Variants in RGS8 observed in about 807,000 individuals in gnomAD.
RGS8 encodes regulator of G protein signaling 8, also known as regulator of G-protein signaling 8.
A neutral mutation model predicts 21.7 loss-of-function variants in RGS8; 8 were observed. The ratio of observed to expected loss-of-function variants is 0.37; its 90% CI spans 0.22 to 0.66. The LOEUF (loss-of-function observed/expected upper bound fraction) is 0.66, where lower values mean the gene tolerates loss of function less well. Among genes scored for constraint, RGS8 ranks in the 30% least tolerant of loss-of-function variants. The probability of loss-of-function intolerance (pLI) is 0.59; values close to 1 mark genes in which losing one functional copy is unlikely to be tolerated. For synonymous variants in RGS8, 80 were observed against 83.6 expected (o/e 0.96, Z 0.24); for missense variants, 157 against 217.9 (o/e 0.72, Z 1.76).
the RGS8 span, among the ~76,000 whole-genome samples, chr1:182,740,162 C>T: frequency 1.7e-4 from 26 of 152,302 alleles, no homozygotes; most frequent in Non-Finnish European, 3.1e-4. Flanking sequence ...TGTTGTGTTG[C>T]AGTCCAAGGA....
chr1:182,692,770 C>T, the RGS8 span, among the ~76,000 whole-genome samples: 1 of 146,276 alleles, frequency 6.8e-6, no homozygotes, highest in African/African-American at 2.5e-5. Flanking sequence ...GGTCCTGGTA[C>T]AAAAATAGAC....
At chr1:182,694,068 C>A in the RGS8 span, among the ~76,000 whole-genome samples, 1 of 151,898 alleles carries the variant, frequency 6.6e-6, no homozygotes, top group Non-Finnish European at 1.5e-5. Context: ...ACCAAACCCC[C>A]ACGACACACA....
chr1:182,734,985 CA>C, the RGS8 span, among the ~76,000 whole-genome samples: 175 of 152,134 alleles, frequency 1.2e-3, no homozygotes, highest in Middle Eastern at 6.8e-3. Flanking sequence ...ATTATTATTC[CA>C]ACATACAACC....
chr1:182,730,623 T>TC, the RGS8 span, among the ~76,000 whole-genome samples: 2 of 151,858 alleles, frequency 1.3e-5, no homozygotes, highest in Non-Finnish European at 2.9e-5. Flanking sequence ...GGCCGAAGAA[T>TC]TGCTTGATCC....
chr1:182,670,630 A>G (rs1362595981), intron 2 of RGS8, among the ~76,000 whole-genome samples: 3 of 152,242 alleles, frequency 2.0e-5, no homozygotes, highest in Non-Finnish European at 4.4e-5. Context: ...CCTAATTTAG[A>G]TAGATAAGAC....
At chr1:182,699,707 A>G in the RGS8 span, among the ~76,000 whole-genome samples, 1 of 152,208 alleles carries the variant, frequency 6.6e-6, no homozygotes, top group South Asian at 2.1e-4. Context: ...CAACGGGATT[A>G]CCGGGGAGGG....
chr1:182,704,059 T>C, the RGS8 span, among the ~76,000 whole-genome samples: 9 of 152,354 alleles, frequency 5.9e-5, no homozygotes, highest in African/African-American at 1.9e-4. Context: ...TCACTATAGC[T>C]TTAACTATAA....
chr1:182,734,490 A>C, the RGS8 span: 3 of 152,222 alleles, frequency 2.0e-5, no homozygotes, highest in Non-Finnish European at 4.4e-5. Flanking sequence ...AAAATAACCG[A>C]AAGAATCAAG....
rs760003150 is a variant in RGS8 at position 182,648,141 on chromosome 1, C to T, written c.356G>A (p.Arg119Gln). The T allele has an allele frequency of 1.0e-5, 16 of 1,606,530 alleles. No homozygotes were observed. The highest frequency in any genetic ancestry group is 2.7e-5 in the African/African-American group (2 of 74,744). The change falls in exon 6 of 7, where the codon CGG becomes CAG. Residue 119 changes from arginine to glutamine, a missense_variant. Physicochemically the swap from Arg to Gln is conservative, Grantham distance 43. Around this residue, in one of 3 missense-constraint regions of RGS8, gnomAD observed 125 missense variants for 179.4 expected, o/e 0.70. Transcript: ENST00000483095. ...TGGTCGCCGCTGCCAACACACCTCC[C>T]GTGGAGCCTGCACATCCACAAACTC... is the stretch of plus-strand genomic sequence containing the variant.
the RGS8 span, among the ~76,000 whole-genome samples, chr1:182,741,450 G>A: frequency 7.1e-6 from 1 of 140,976 alleles, no homozygotes; most frequent in Admixed American, 6.9e-5. Context: ...GGCTGGCCGG[G>A]CAGAGGCGCC....
chr1:182,694,455 C>A, the RGS8 span, among the ~76,000 whole-genome samples: 3 of 152,086 alleles, frequency 2.0e-5, no homozygotes, highest in Middle Eastern at 3.2e-3. Flanking sequence ...TTAAAAATTC[C>A]GATGCAGCAT....
At chr1:182,751,459 C>T in the RGS8 span, among the ~76,000 whole-genome samples, 48 of 152,186 alleles carry the variant, frequency 3.2e-4, no homozygotes, top group East Asian at 7.0e-3. Flanking sequence ...TCCCTGCACG[C>T]GTGCCTACGT....
At chr1:182,727,144 A>G in the RGS8 span, among the ~76,000 whole-genome samples, 3 of 152,218 alleles carry the variant, frequency 2.0e-5, no homozygotes, top group Non-Finnish European at 4.4e-5. Context: ...CATATAAGAA[A>G]TCATACCATG....
chr1:182,720,861 AC>A, the RGS8 span, among the ~76,000 whole-genome samples: 1 of 147,254 alleles, frequency 6.8e-6, no homozygotes. Context: ...ACATATATAT[AC>A]ATATATACAC....
At chr1:182,681,713 C>A (rs768292250) in intron 1 of RGS8, among the ~76,000 whole-genome samples, 4 of 152,308 alleles carry the variant, frequency 2.6e-5, no homozygotes, top group East Asian at 1.9e-4. Flanking sequence ...TGCTGGTGCA[C>A]GTTAATGTCT....
the RGS8 span, among the ~76,000 whole-genome samples, chr1:182,702,570 G>A: frequency 1.0e-3 from 155 of 152,200 alleles, 2 homozygotes; most frequent in African/African-American, 3.6e-3. Flanking sequence ...GACTTGTTGT[G>A]TCATACACTT....
At chr1:182,721,474 C>A in the RGS8 span, among the ~76,000 whole-genome samples, 2 of 152,194 alleles carry the variant, frequency 1.3e-5, no homozygotes, top group Admixed American at 6.5e-5. Context: ...TTCTTCACAG[C>A]GTGACAGAAA....
the RGS8 span, among the ~76,000 whole-genome samples, chr1:182,691,205 T>C: frequency 6.6e-6 from 1 of 152,188 alleles, no homozygotes; most frequent in Non-Finnish European, 1.5e-5. Flanking sequence ...ATGGTTGTTG[T>C]TTTAAACCAC....
downstream of RGS8, chr1:182,643,669 C>T (rs1662577627): frequency 6.6e-6 from 1 of 152,262 alleles, no homozygotes; most frequent in Non-Finnish European, 1.5e-5. Flanking sequence ...GCACGTGTCA[C>T]AGGCTTTCCA....
Sources: allele counts gnomAD v4.1 joint callset (sites outside exome capture counted in the v4.1 genomes callset), GRCh38; gene constraint gnomAD v4.1.1; regional missense constraint gnomAD v4.1.1; transcripts MANE v1.5; gene names NCBI Gene and HGNC (gene_info 2026-07-23, HGNC 2026-07-21).